The following ENPP1 variants were observed in gnomAD, a reference collection of about 807,000 sequenced individuals.
ENPP1 encodes the protein ectonucleotide pyrophosphatase/phosphodiesterase family member 1.
Under a neutral mutation model 122.8 loss-of-function variants are expected in ENPP1, and 73 were observed. The observed-to-expected ratio is 0.59, with a 90% CI of 0.49 to 0.72. ENPP1 has a LOEUF of 0.72. Ranked by LOEUF, ENPP1 falls within the 30% of genes least tolerant of loss-of-function variation. The probability of loss-of-function intolerance (pLI) is 0.00; values close to 1 mark genes in which losing one functional copy is unlikely to be tolerated. For missense variants in ENPP1, 978 were observed against 1,128.1 expected (o/e 0.87, Z 1.91); for synonymous variants, 367 against 391.6 (o/e 0.94, Z 0.74).
intron 18 of ENPP1, among the ~76,000 whole-genome samples, chr6:131,878,338 C>T (rs75254665): frequency 6.6e-6 from 1 of 151,890 alleles, no homozygotes; most frequent in Non-Finnish European, 1.5e-5. Flanking sequence ...CAAGGCTGCA[C>T]TGAGTCATGA....
intron 1 of ENPP1, among the ~76,000 whole-genome samples, chr6:131,831,450 T>C (rs1345016014): frequency 6.6e-6 from 1 of 152,172 alleles, no homozygotes; most frequent in Non-Finnish European, 1.5e-5. Flanking sequence ...TTCCCTAATG[T>C]CTTTTTTTGT....
At chr6:131,824,465 TGTTG>T (rs1049266397) in intron 1 of ENPP1, among the ~76,000 whole-genome samples, 2 of 129,218 alleles carry the variant, frequency 1.5e-5, no homozygotes, top group Non-Finnish European at 3.6e-5. Flanking sequence ...TTGTTGTTGT[TGTTG>T]TTTGAGACGG....
chr6:131,839,864 G>T (rs1053331092), intron 1 of ENPP1, among the ~76,000 whole-genome samples: 5 of 152,058 alleles, frequency 3.3e-5, no homozygotes, highest in African/African-American at 9.6e-5. Context: ...ATATACAGAA[G>T]GCTGTATAAC....
intron 21 of ENPP1, 98 bp downstream of exon 21, chr6:131,882,572 C>G: frequency 6.3e-6 from 2 of 318,172 alleles, no homozygotes; most frequent in Non-Finnish European, 1.1e-5. Flanking sequence ...TATATATTAC[C>G]TATTATATAT....
At chr6:131,811,376 A>ACATATCTATATC (rs1554275480) in intron 1 of ENPP1, among the ~76,000 whole-genome samples, 3 of 131,280 alleles carry the variant, frequency 2.3e-5, no homozygotes, top group African/African-American at 9.0e-5. Flanking sequence ...ATCTATATCT[A>ACATATCTATATC]TATATCTATA....
In ENPP1 at chr6:131,808,075, G is replaced by T. The variant is rs1781300891; in HGVS notation, c.40G>T (p.Gly14Cys). The T allele has an allele frequency of 9.7e-7, 1 of 1,027,714 alleles. No homozygotes were observed. The highest frequency in any genetic ancestry group is 4.5e-5 in the South Asian group (1 of 22,458). The allele number at this position is 1,027,714 out of a possible 1,614,324, so 63.7% of individuals were successfully genotyped here. The change falls in exon 1 of 25, where the codon GGC becomes TGC. Residue 14 changes from glycine (G) to cysteine (C), a missense_variant. By Grantham distance (159) the Gly-to-Cys change is radical. Transcript: ENST00000647893. ...CTGCGCGGGGGGCGGGAGCCGCGGC[G>T]GCGAGGGCGGGCGCGCTCCCCGGGA... ...DGCAGGGSRG[G>C]EGGRAPREGP... is the part of the protein sequence containing the mutation.
chr6:131,872,730 T>G (rs1184293286), intron 14 of ENPP1, among the ~76,000 whole-genome samples, 193 bp from the exon 15 acceptor site: 1 of 152,090 alleles, frequency 6.6e-6, no homozygotes, highest in African/African-American at 2.4e-5. Flanking sequence ...TCATCTGACT[T>G]ATTGGGCCAG....
chr6:131,890,421 T>C lies in ENPP1; in HGVS notation c.2688T>C (p.Thr896=). ...RARITDVEHI[T]GLSFYQQRKE... is the part of the protein sequence containing the mutation. ...GGATCACAGATGTTGAGCACATCAC[T>C]GGACTCAGCTTCTATCAACAAAGAA... The change falls in exon 25 of 25, where the codon ACT becomes ACC. Residue 896 remains threonine (T), a synonymous_variant. Transcript: ENST00000647893. The C allele has an allele frequency of 2.5e-6, 4 of 1,613,324 alleles. No homozygotes were observed. The highest frequency in any genetic ancestry group is 2.2e-5 in the East Asian group (1 of 44,878).
Position 131,890,205 on chromosome 6 carries a change from G to A in ENPP1, c.2608-136G>A, listed in dbSNP as rs986569031. 8.2e-6 allele frequency: 6 copies of A among 734,136 alleles called. No homozygotes were observed. In the Admixed American group the frequency reaches 9.7e-5, roughly 12 times the overall value. The allele number at this position is 734,136 out of a possible 1,614,324, so 45.5% of individuals were successfully genotyped here. A position where few individuals can be genotyped will look rare whatever the true frequency, so the allele number is the denominator to read the frequency against. ...AAAGCTACTCAAGAGGAGAGATGAT[G>A]CCTAACAAATCATGTGGCACGTTCC... On this transcript the variant is annotated intron_variant, in intron 24 of 24. Transcript: ENST00000647893.
Position 131,883,761 on chromosome 6 carries a change from C to A in ENPP1, c.2298C>A (p.Tyr766Ter). The change falls in exon 22 of 25, where the codon TAC becomes TAA. Residue 766 changes from tyrosine (Y) to a stop codon, truncating the protein, a stop_gained. Transcript: ENST00000647893. LOFTEE classifies it high-confidence loss of function. ...TTACTACAAATATAGTGCCAATGTA[C>A]CAGAGTTTTCAAGGTAAATAATGTT... is the stretch of plus-strand genomic sequence containing the variant. ...ALLTTNIVPMYQSFQVIWRYF... is the reference protein window; with the variant it reads ...ALLTTNIVPM 1 of 1,496,338 alleles carries A rather than the reference C, an allele frequency of 6.7e-7. No homozygotes were observed. The highest frequency in any genetic ancestry group is 9.3e-7 in the Non-Finnish European group (1 of 1,073,528). The allele number at this position is 1,496,338 out of a possible 1,614,324, so 92.7% of individuals were successfully genotyped here.
intron 8 of ENPP1, among the ~76,000 whole-genome samples, chr6:131,860,975 A>C (rs1250899061): frequency 6.6e-6 from 1 of 152,200 alleles, no homozygotes; most frequent in Non-Finnish European, 1.5e-5. Flanking sequence ...AATTTAAAAA[A>C]ATTTTTTAAA....
intron 21 of ENPP1, 22 bp from the exon 22 acceptor site, chr6:131,883,671 GT>G (rs1562185487): frequency 1.8e-6 from 2 of 1,096,516 alleles, no homozygotes; most frequent in Non-Finnish European, 2.8e-6. Flanking sequence ...GAATGAAAAA[GT>G]TGTCCTCTTT....
intron 11 of ENPP1, among the ~76,000 whole-genome samples, chr6:131,866,165 G>T (rs1247249476): frequency 6.6e-6 from 1 of 152,114 alleles, no homozygotes; most frequent in African/African-American, 2.4e-5. Flanking sequence ...GGTATTGCCA[G>T]GATCCCTCCT....
At chr6:131,819,800 C>T (rs191358953) in intron 1 of ENPP1, 1 of 393,456 alleles carries the variant, frequency 2.5e-6, no homozygotes, top group Admixed American at 3.8e-5. Context: ...ATAGAGCAGA[C>T]ATTTACCTTC....
At chr6:131,830,300 G>A (rs185763003) in intron 1 of ENPP1, among the ~76,000 whole-genome samples, 18 of 152,256 alleles carry the variant, frequency 1.2e-4, no homozygotes, top group African/African-American at 4.1e-4. Context: ...CCCACTCTAC[G>A]GACCTTCTTA....
intron 18 of ENPP1, chr6:131,877,867 ATATATATATAT>A (rs1200573594): frequency 4.2e-4 from 13 of 30,670 alleles, no homozygotes; most frequent in African/African-American, 1.6e-3. Flanking sequence ...AAAAAAAAAA[ATATATATATAT>A]ATATATATAT....
At chr6:131,808,408 C>T (rs1010358543) in intron 1 of ENPP1, 133 bp downstream of exon 1, 7 of 1,179,584 alleles carry the variant, frequency 5.9e-6, no homozygotes, top group Non-Finnish European at 7.7e-6. Context: ...CTTCTTCGCC[C>T]GCGCGCTCTC....
At chr6:131,811,300 G>T (rs780768145) in intron 1 of ENPP1, among the ~76,000 whole-genome samples, 7 of 151,936 alleles carry the variant, frequency 4.6e-5, no homozygotes, top group Non-Finnish European at 5.9e-5. Flanking sequence ...TTGCGTATGG[G>T]TGGTGGTCAC....
At chr6:131,854,724 A>C (rs1316288773) in intron 5 of ENPP1, among the ~76,000 whole-genome samples, 1 of 152,166 alleles carries the variant, frequency 6.6e-6, no homozygotes, top group East Asian at 1.9e-4. Flanking sequence ...TTACGAAATG[A>C]TAGAGCTTGT....
Sources: gnomAD v4.1 joint callset for allele counts (sites outside exome capture counted in the v4.1 genomes callset) on GRCh38, gnomAD v4.1.1 for gene constraint, MANE v1.5 for transcripts, NCBI Gene and HGNC (gene_info 2026-07-23, HGNC 2026-07-21) for gene names.